DCDC1: variants seen among roughly 807,000 people sequenced by gnomAD.
DCDC1 encodes doublecortin domain-containing protein 1.
In DCDC1, 200 loss-of-function variants were observed where a neutral mutation model predicts 178.3. That is an observed-to-expected ratio of 1.12 (90% confidence interval 1.00 to 1.26). The LOEUF (loss-of-function observed/expected upper bound fraction) is 1.26. Ranked by LOEUF, DCDC1 falls within the 50% of genes most tolerant of loss-of-function variation. The probability of loss-of-function intolerance (pLI) is 0.00; values close to 1 mark genes in which losing one functional copy is unlikely to be tolerated. For synonymous variants in DCDC1, 690 were observed against 604.8 expected (o/e 1.14, Z -2.07); for missense variants, 1,983 against 1,749.2 (o/e 1.13, Z -2.38).
Position 31,152,850 on chromosome 11 carries a change from G to A in DCDC1, c.1222-15066C>T, listed in dbSNP as rs1054623503. Among the ~76,000 whole-genome samples, 5 of 152,170 alleles carry A rather than the reference G, an allele frequency of 3.3e-5. No individual in the cohort carries two copies. The East Asian group carries it at 7.7e-4, about 24-fold the overall frequency. Reference sequence around the variant, plus strand: ...GCTCAGTCCTGACTAACCACAGAACGGCATAATTAGTTCAGGAATGAGCAA... The same window carrying A: ...GCTCAGTCCTGACTAACCACAGAACAGCATAATTAGTTCAGGAATGAGCAA... On this transcript the variant is annotated intron_variant, in intron 9 of 38. Coordinates refer to ENST00000684477, the MANE Select transcript of DCDC1 (RefSeq NM_001387274.1).
Position 30,939,796 on chromosome 11 carries a change from G to T in DCDC1, c.2716-7844C>A, listed in dbSNP as rs141996542. Among the ~76,000 whole-genome samples, 441 of 152,182 alleles carry T rather than the reference G, an allele frequency of 2.9e-3. 13 individuals are homozygous for T. The highest frequency in any genetic ancestry group is 3.7e-3 in the Non-Finnish European group (250 of 67,994). On this transcript the variant is annotated intron_variant, in intron 21 of 38. Transcript: ENST00000684477. ...ACTTGATTTATCATGTCTTGAAAAT[G>T]GACCATTTAAAAGGTTTTTTCACAC...
intron 9 of DCDC1, among the ~76,000 whole-genome samples, chr11:31,227,750 T>C (rs1020204052): frequency 6.6e-6 from 1 of 151,908 alleles, no homozygotes; most frequent in African/African-American, 2.4e-5. Context: ...AAATATTATT[T>C]CTACAAGACA....
intron 12 of DCDC1, among the ~76,000 whole-genome samples, chr11:31,109,990 C>G (rs1959099494): frequency 6.6e-6 from 1 of 152,038 alleles, no homozygotes; most frequent in South Asian, 2.1e-4. Context: ...GAGGGAAATC[C>G]TGATGTATCA....
At chr11:30,952,911 AAG>A (rs1210212874) in intron 20 of DCDC1, among the ~76,000 whole-genome samples, 6 of 152,156 alleles carry the variant, frequency 3.9e-5, no homozygotes, top group African/African-American at 1.4e-4. Flanking sequence ...TAGACAGTAA[AAG>A]AGAAGTTAGC....
chr11:31,250,102 T>C (rs966012574), intron 8 of DCDC1, among the ~76,000 whole-genome samples: 1 of 151,908 alleles, frequency 6.6e-6, no homozygotes, highest in Non-Finnish European at 1.5e-5. Context: ...TACCATCTAT[T>C]GTCTTTAAGA....
At chr11:30,905,273 T>C (rs1944981413) in intron 30 of DCDC1, 109 bp from the exon 31 acceptor site, 6 of 1,129,030 alleles carry the variant, frequency 5.3e-6, no homozygotes, top group Admixed American at 2.6e-5. Flanking sequence ...GTCTACATTT[T>C]GCAATGCTCT....
chr11:31,222,752 G>A (rs1974416852), intron 9 of DCDC1, among the ~76,000 whole-genome samples: 1 of 152,150 alleles, frequency 6.6e-6, no homozygotes, highest in African/African-American at 2.4e-5. Flanking sequence ...CAGAGAGAGA[G>A]TGTATGCTCT....
intron 8 of DCDC1, among the ~76,000 whole-genome samples, chr11:31,259,297 G>T (rs923251293): frequency 6.6e-6 from 1 of 152,026 alleles, no homozygotes; most frequent in Non-Finnish European, 1.5e-5. Context: ...AGGTTGCAGT[G>T]AGCCAAGATC....
At chr11:31,041,268 A>C (rs1294287495) in intron 20 of DCDC1, among the ~76,000 whole-genome samples, 1 of 152,160 alleles carries the variant, frequency 6.6e-6, no homozygotes, top group East Asian at 1.9e-4. Flanking sequence ...AAACCAGACA[A>C]TTTTATATAG....
chr11:31,061,206 C>A (rs561368460), intron 20 of DCDC1, among the ~76,000 whole-genome samples: 1 of 152,254 alleles, frequency 6.6e-6, no homozygotes, highest in African/African-American at 2.4e-5. Context: ...CACTGGGTGA[C>A]AAGCTGGGTC....
At chr11:30,971,633 G>A (rs1482484586) in intron 20 of DCDC1, among the ~76,000 whole-genome samples, 5 of 128,240 alleles carry the variant, frequency 3.9e-5, no homozygotes, top group Non-Finnish European at 6.2e-5. Context: ...TTTTTGAGAC[G>A]GAGTCTCACT....
intron 11 of DCDC1, among the ~76,000 whole-genome samples, chr11:31,120,688 A>T (rs953836509): frequency 6.6e-6 from 1 of 152,134 alleles, no homozygotes; most frequent in Admixed American, 6.6e-5. Context: ...CACTAATTCC[A>T]GTGAAAGGAT....
intron 11 of DCDC1, among the ~76,000 whole-genome samples, chr11:31,123,811 A>G (rs933162594): frequency 3.9e-5 from 6 of 152,066 alleles, no homozygotes; most frequent in Admixed American, 6.6e-5. Context: ...GTGACCAACC[A>G]TCTTGGTTTG....
intron 1 of DCDC1, among the ~76,000 whole-genome samples, chr11:31,368,625 T>TGAATGAATCA (rs1952095603): frequency 2.0e-5 from 3 of 152,220 alleles, no homozygotes; most frequent in Non-Finnish European, 4.4e-5. Context: ...TCAGTTATTC[T>TGAATGAATCA]TTATAGTTCA....
chr11:31,043,624 A>C (rs1954621838), intron 20 of DCDC1, among the ~76,000 whole-genome samples: 1 of 152,158 alleles, frequency 6.6e-6, no homozygotes, highest in Admixed American at 6.5e-5. Context: ...CTGATGGTCA[A>C]CAAAATGGAA....
chr11:31,012,071 C>G (rs1204568346), intron 20 of DCDC1, among the ~76,000 whole-genome samples: 1 of 152,160 alleles, frequency 6.6e-6, no homozygotes, highest in Admixed American at 6.5e-5. Context: ...CTCTCTTCCT[C>G]CTGCTCCAGC....
chr11:31,332,785 T>G (rs1390605080), intron 2 of DCDC1, among the ~76,000 whole-genome samples: 1 of 152,048 alleles, frequency 6.6e-6, no homozygotes, highest in African/African-American at 2.4e-5. Flanking sequence ...TGCTGAGGAG[T>G]GCTTTTAACT....
intron 7 of DCDC1, 87 bp downstream of exon 7, chr11:31,290,560 C>T (rs1046129691): frequency 3.1e-5 from 41 of 1,315,284 alleles, no homozygotes; most frequent in African/African-American, 1.5e-4. Context: ...TTGTTGGCAT[C>T]GATATTTAGA....
chr11:30,958,928 A>G (rs950069194), intron 20 of DCDC1, among the ~76,000 whole-genome samples: 1 of 152,106 alleles, frequency 6.6e-6, no homozygotes, highest in South Asian at 2.1e-4. Flanking sequence ...GACATTTGGT[A>G]GTGCTTCTAT....
Sources: gnomAD v4.1 joint callset for allele counts (sites outside exome capture counted in the v4.1 genomes callset) on GRCh38, gnomAD v4.1.1 for gene constraint, MANE v1.5 for transcripts, NCBI Gene and HGNC (gene_info 2026-07-23, HGNC 2026-07-21) for gene names.